Variants in C8orf34 observed in about 807,000 individuals in gnomAD.
C8orf34 encodes chromosome 8 open reading frame 34.
Under a neutral mutation model 68.3 loss-of-function variants are expected in C8orf34, and 65 were observed. That is an observed-to-expected ratio of 0.95 (90% CI 0.78 to 1.17). The LOEUF (loss-of-function observed/expected upper bound fraction) is 1.17, where lower values mean the gene tolerates loss of function less well. Ranked by LOEUF, C8orf34 falls within the 50% of genes most tolerant of loss-of-function variation. The probability of loss-of-function intolerance (pLI) is 0.00; values close to 1 mark genes in which losing one functional copy is unlikely to be tolerated. For synonymous variants in C8orf34, 244 were observed against 241.2 expected (o/e 1.01, Z -0.11); for missense variants, 664 against 655.4 (o/e 1.01, Z -0.14).
chr8:68,482,059 G>A (rs556080662), intron 4 of C8orf34, among the ~76,000 whole-genome samples: 8 of 152,290 alleles, frequency 5.3e-5, no homozygotes, highest in South Asian at 2.1e-4. Flanking sequence ...GAATTCCCAC[G>A]TGTTGTGGGA....
At chr8:68,771,876 C>T (rs922132836) in intron 10 of C8orf34, among the ~76,000 whole-genome samples, 3 of 152,118 alleles carry the variant, frequency 2.0e-5, no homozygotes. Flanking sequence ...GTATTCTAAT[C>T]ACTTGTATAT....
intron 10 of C8orf34, among the ~76,000 whole-genome samples, chr8:68,749,552 C>T (rs1031475526): frequency 7.1e-6 from 1 of 140,680 alleles, no homozygotes; most frequent in East Asian, 2.1e-4. Context: ...TTTGAAGACA[C>T]TGTCATCACC....
At chr8:68,383,935 A>G (rs1186572332) in intron 1 of C8orf34, among the ~76,000 whole-genome samples, 3 of 152,170 alleles carry the variant, frequency 2.0e-5, no homozygotes, top group Non-Finnish European at 2.9e-5. Flanking sequence ...GAGGAAGAGG[A>G]TTTCTGTTCT....
chr8:68,775,369 T>C (rs144431990), intron 10 of C8orf34, among the ~76,000 whole-genome samples: 2 of 152,306 alleles, frequency 1.3e-5, no homozygotes, highest in African/African-American at 4.8e-5. Context: ...TTTCCAAATG[T>C]CTCTCGTCAT....
intron 8 of C8orf34, among the ~76,000 whole-genome samples, chr8:68,660,991 G>T (rs1819658590): frequency 2.0e-5 from 3 of 152,212 alleles, no homozygotes; most frequent in Admixed American, 6.5e-5. Flanking sequence ...TCTTCCAACA[G>T]GGAGAGAAAC....
chr8:68,399,261 C>G (rs1369134273), intron 1 of C8orf34, among the ~76,000 whole-genome samples: 1 of 151,958 alleles, frequency 6.6e-6, no homozygotes, highest in African/African-American at 2.4e-5. Flanking sequence ...TATCTGTCAC[C>G]AGAACAGCAT....
chr8:68,807,532 T>C (rs2129529797), intron 12 of C8orf34, among the ~76,000 whole-genome samples: 1 of 152,340 alleles, frequency 6.6e-6, no homozygotes, highest in East Asian at 1.9e-4. Context: ...ATTCTAGATA[T>C]TATCTTTAAT....
At chr8:68,534,072 C>T (rs1488556315) in intron 7 of C8orf34, 11 of 983,384 alleles carry the variant, frequency 1.1e-5, no homozygotes, top group South Asian at 4.7e-5. Context: ...AAATGAGATT[C>T]CTTGGTTTTA....
At chr8:68,688,724 T>G (rs904208835) in intron 8 of C8orf34, among the ~76,000 whole-genome samples, 2 of 151,904 alleles carry the variant, frequency 1.3e-5, no homozygotes, top group Non-Finnish European at 2.9e-5. Context: ...CTCAGCAAAC[T>G]AACACAGGAG....
At chr8:68,395,464 C>T (rs1298911297) in intron 1 of C8orf34, among the ~76,000 whole-genome samples, 1 of 151,938 alleles carries the variant, frequency 6.6e-6, no homozygotes, top group Admixed American at 6.6e-5. Flanking sequence ...CCCCCTGTTT[C>T]TATTGAGAAT....
rs1445667327 is a variant in C8orf34, at chr8:68,753,330, C to CTT, written c.1405-23069_1405-23068insTT. Among the ~76,000 whole-genome samples the CTT allele has an allele frequency of 4.4e-3, 665 of 152,100 alleles. 2 individuals are homozygous for CTT. The highest frequency in any genetic ancestry group is 0.015 in the African/African-American group (640 of 41,484). ...GCTAACATGGCCCCTCTCACTAAACCGATTGCATGAAGCCTTGTAGAAAAA... is the reference window on the plus strand; with the variant it reads ...GCTAACATGGCCCCTCTCACTAAACCTTGATTGCATGAAGCCTTGTAGAAAAA... On this transcript the variant is annotated intron_variant, in intron 10 of 13. Transcript: ENST00000518698.
intron 6 of C8orf34, among the ~76,000 whole-genome samples, chr8:68,523,289 A>C (rs1015292695): frequency 6.6e-6 from 1 of 152,162 alleles, no homozygotes; most frequent in Non-Finnish European, 1.5e-5. Context: ...TAAATGTAAA[A>C]TAGAGAAATG....
At chr8:68,684,732 A>G (rs1820462141) in intron 8 of C8orf34, among the ~76,000 whole-genome samples, 2 of 152,182 alleles carry the variant, frequency 1.3e-5, no homozygotes, top group South Asian at 2.1e-4. Flanking sequence ...CACTCATCTA[A>G]TTTCACATAG....
intron 10 of C8orf34, among the ~76,000 whole-genome samples, chr8:68,730,832 C>T (rs1482842947): frequency 6.6e-6 from 1 of 151,894 alleles, no homozygotes; most frequent in Non-Finnish European, 1.5e-5. Context: ...GCAAATAATA[C>T]CCAAGGAGAT....
In C8orf34 at chr8:68,436,412, G is replaced by A. The variant is rs76505997; in HGVS notation, c.328-3087G>A. ...ATGTCCCAGTTTAACTAGCCTGTGAGTGCACAGAGTATCGTATTAAAATTA... is the reference window on the plus strand; with the variant it reads ...ATGTCCCAGTTTAACTAGCCTGTGAATGCACAGAGTATCGTATTAAAATTA... On this transcript the variant is annotated intron_variant, in intron 1 of 13. Transcript: ENST00000518698. Among the ~76,000 whole-genome samples, 808 of 152,262 alleles carry A rather than the reference G, an allele frequency of 5.3e-3. 4 individuals are homozygous for A. The highest frequency in any genetic ancestry group is 0.017 in the Middle Eastern group (5 of 294).
At chr8:68,408,989 A>G (rs1809327177) in intron 1 of C8orf34, among the ~76,000 whole-genome samples, 2 of 152,048 alleles carry the variant, frequency 1.3e-5, no homozygotes, top group South Asian at 2.1e-4. Flanking sequence ...CGGTTTCACC[A>G]TGTTGGCCAG....
intron 5 of C8orf34, among the ~76,000 whole-genome samples, chr8:68,510,875 C>T (rs761968110): frequency 1.3e-5 from 2 of 152,142 alleles, no homozygotes; most frequent in Non-Finnish European, 2.9e-5. Context: ...CTCTTAAGGT[C>T]TGAAGATAAA....
At chr8:68,543,688 A>G (rs191078294) in intron 7 of C8orf34, among the ~76,000 whole-genome samples, 129 of 152,338 alleles carry the variant, frequency 8.5e-4, no homozygotes, top group Non-Finnish European at 1.2e-3. Flanking sequence ...ACACGTAAAC[A>G]TTAAAATCCA....
At chr8:68,330,947 A>T, upstream of C8orf34, 1 of 1,241,526 alleles carries the variant, frequency 8.1e-7, no homozygotes, top group Admixed American at 3.9e-5. Context: ...TCTGCCTCGA[A>T]TTTCCCCACT....
Sources: allele counts gnomAD v4.1 joint callset (sites outside exome capture counted in the v4.1 genomes callset), GRCh38; gene constraint gnomAD v4.1.1; transcripts MANE v1.5; gene names NCBI Gene and HGNC (gene_info 2026-07-23, HGNC 2026-07-21).